TRIM51G: variants seen among roughly 807,000 people sequenced by gnomAD.
The protein encoded by TRIM51G is tripartite motif-containing protein 51G.
the TRIM51G span, chr11:48,976,029 C>T: frequency 4.2e-6 from 2 of 477,664 alleles, no homozygotes; most frequent in South Asian, 1.8e-5. Flanking sequence ...AGTATAGATA[C>T]ATGTAATTAA....
the TRIM51G span, chr11:48,976,964 G>A: frequency 1.4e-3 from 786 of 577,914 alleles, 5 homozygotes; most frequent in African/African-American, 0.013. Context: ...GTGTTGTATC[G>A]TCATATGGTT....
the TRIM51G span, chr11:48,975,820 T>A: frequency 4.2e-6 from 6 of 1,417,140 alleles, no homozygotes; most frequent in South Asian, 5.8e-5. Flanking sequence ...GTGCCCCATG[T>A]TAAACTCCCA....
chr11:48,978,446 T>A, the TRIM51G span, among the ~76,000 whole-genome samples: 4 of 152,110 alleles, frequency 2.6e-5, no homozygotes, highest in Admixed American at 2.6e-4. Context: ...TCAGTCATCT[T>A]CCCTAAGCCC....
the TRIM51G span, chr11:48,981,492 A>T: frequency 6.2e-7 from 1 of 1,606,842 alleles, no homozygotes; most frequent in Admixed American, 1.7e-5. Flanking sequence ...TCTTCAAACA[A>T]ATGTTAGTTT....
the TRIM51G span, among the ~76,000 whole-genome samples, chr11:48,983,643 CATT>C: frequency 6.6e-6 from 1 of 151,156 alleles, no homozygotes; most frequent in African/African-American, 2.4e-5. Context: ...CAAATAAGAT[CATT>C]AAGTAAGTTT....
At chr11:48,982,947 GTATATATACATATATATATA>G in the TRIM51G span, among the ~76,000 whole-genome samples, 33 of 86,128 alleles carry the variant, frequency 3.8e-4, no homozygotes, top group East Asian at 1.8e-3. Context: ...AGTATTTTTG[GTATATATACATATATATATA>G]TATATATATA....
At chr11:48,981,156 A>G in the TRIM51G span, 13 of 1,402,166 alleles carry the variant, frequency 9.3e-6, no homozygotes, top group Non-Finnish European at 1.2e-5. Flanking sequence ...AGAGGTGTGA[A>G]GTCAAGGAAG....
the TRIM51G span, among the ~76,000 whole-genome samples, chr11:48,976,530 CT>C: frequency 6.6e-6 from 1 of 152,084 alleles, no homozygotes; most frequent in African/African-American, 2.4e-5. Context: ...TGAAACTGAA[CT>C]TTAAATTTTA....
chr11:48,981,557 C>T, the TRIM51G span: 4 of 1,601,038 alleles, frequency 2.5e-6, no homozygotes, highest in East Asian at 8.9e-5. Context: ...GCAAGAACTG[C>T]CATGTCTTGC....
the TRIM51G span, among the ~76,000 whole-genome samples, chr11:48,982,987 AGTTATGTACACATCC>A: frequency 9.3e-6 from 1 of 107,154 alleles, no homozygotes; most frequent in African/African-American, 3.4e-5. Context: ...ATATATATAT[AGTTATGTACACATCC>A]TATGGTTCTG....
chr11:48,979,022 A>T, the TRIM51G span: 1 of 1,170,888 alleles, frequency 8.5e-7, no homozygotes, highest in Non-Finnish European at 1.3e-6. Context: ...TCTCCAAGTG[A>T]CGTTGCTCTT....
At chr11:48,975,545 A>G in the TRIM51G span, 7 of 1,397,382 alleles carry the variant, frequency 5.0e-6, no homozygotes, top group Middle Eastern at 1.8e-4. Context: ...GGTGAGAAGG[A>G]GCAATTAGGG....
the TRIM51G span, among the ~76,000 whole-genome samples, chr11:48,981,965 C>A: frequency 0.035 from 5,392 of 152,192 alleles, 137 homozygotes; most frequent in Non-Finnish European, 0.054. Flanking sequence ...AAAACCTATT[C>A]CCTGGATGTC....
chr11:48,981,275 C>A, the TRIM51G span: 10 of 1,603,822 alleles, frequency 6.2e-6, no homozygotes, highest in East Asian at 2.2e-4. Context: ...TCTTCAGAGG[C>A]ATCACTTACC....
At chr11:48,976,004 A>AAAT in the TRIM51G span, 118 of 581,334 alleles carry the variant, frequency 2.0e-4, no homozygotes, top group African/African-American at 2.1e-3. Flanking sequence ...TAAACTGCAA[A>AAAT]AATAATTTTA....
At chr11:48,977,510 G>C in the TRIM51G span, among the ~76,000 whole-genome samples, 1 of 152,054 alleles carries the variant, frequency 6.6e-6, no homozygotes, top group East Asian at 1.9e-4. Flanking sequence ...ATTACTGTCT[G>C]GAAAAGTGGG....
At chr11:48,981,494 T>C in the TRIM51G span, 3 of 1,606,442 alleles carry the variant, frequency 1.9e-6, no homozygotes, top group Non-Finnish European at 1.7e-6. Flanking sequence ...TTCAAACAAA[T>C]GTTAGTTTTG....
the TRIM51G span, chr11:48,975,828 C>A: frequency 4.4e-6 from 6 of 1,376,666 alleles, no homozygotes. Context: ...TGTTAAACTC[C>A]CAATAAAATT....
chr11:48,978,710 A>T, the TRIM51G span, among the ~76,000 whole-genome samples: 2 of 152,316 alleles, frequency 1.3e-5, no homozygotes, highest in Admixed American at 1.3e-4. Flanking sequence ...TGGTAGAATC[A>T]CTAGGAGAGG....
Sources: gnomAD v4.1 joint callset for allele counts (sites outside exome capture counted in the v4.1 genomes callset) on GRCh38, gnomAD v4.1.1 for gene constraint, MANE v1.5 for transcripts, NCBI Gene and HGNC (gene_info 2026-07-23, HGNC 2026-07-21) for gene names.